Variants in USP8 observed in about 807,000 individuals in gnomAD.
USP8 encodes the protein ubiquitin carboxyl-terminal hydrolase 8.
A neutral mutation model predicts 130.0 loss-of-function variants in USP8; 27 were observed. The observed-to-expected ratio is 0.21, with a 90% CI of 0.15 to 0.29. The LOEUF is 0.29. USP8 is among the 10% of genes least tolerant of loss of function. The pLI is 1.00. For missense variants in USP8, 1,029 were observed against 1,312.2 expected (o/e 0.78, Z 3.33); for synonymous variants, 392 against 444.1 (o/e 0.88, Z 1.48).
At chr15:50,473,190 A>G (rs1043714582) in intron 8 of USP8, among the ~76,000 whole-genome samples, 5 of 152,190 alleles carry the variant, frequency 3.3e-5, no homozygotes, top group African/African-American at 4.8e-5. Flanking sequence ...TTTAAAAAAT[A>G]ATACGGTTGT....
chr15:50,432,554 A>G (rs1030378626), intron 1 of USP8: 2 of 152,182 alleles, frequency 1.3e-5, no homozygotes, highest in Non-Finnish European at 2.9e-5. Flanking sequence ...TTTATCACAA[A>G]CTGATAACAA....
At chr15:50,450,531 G>C (rs2050598028) in intron 4 of USP8, among the ~76,000 whole-genome samples, 3 of 137,904 alleles carry the variant, frequency 2.2e-5, no homozygotes, top group African/African-American at 8.1e-5. Flanking sequence ...GAGTACAATG[G>C]CCTGATCTCA....
intron 1 of USP8, among the ~76,000 whole-genome samples, chr15:50,433,675 A>G (rs899209242): frequency 4.6e-5 from 7 of 152,010 alleles, no homozygotes; most frequent in South Asian, 2.1e-4. Flanking sequence ...GCGCGATCTC[A>G]GCTCACTGCA....
At chr15:50,479,287 G>T (rs2051681616) in intron 10 of USP8, among the ~76,000 whole-genome samples, 1 of 152,166 alleles carries the variant, frequency 6.6e-6, no homozygotes, top group African/African-American at 2.4e-5. Flanking sequence ...AGTAGGATTG[G>T]AGGATAGAAG....
At chr15:50,462,592 A>T (rs1400027698) in intron 6 of USP8, among the ~76,000 whole-genome samples, 1 of 152,180 alleles carries the variant, frequency 6.6e-6, no homozygotes, top group Non-Finnish European at 1.5e-5. Context: ...CAAAGCTTGT[A>T]CTTGTTTTCT....
In USP8 at chr15:50,508,610, TAAC is replaced by T. The variant is rs2052695066; in HGVS notation, c.*9524_*9526del. ...ACCCTAAAAGAGTAGAGGGAAGAGA[TAAC>T]ACTGTAAGAGGAATAACCCATAAAG... is the stretch of plus-strand genomic sequence containing the variant. On this transcript the variant is annotated 3_prime_UTR_variant, in exon 20 of 20. Coordinates refer to ENST00000307179, the MANE Select transcript of USP8 (RefSeq NM_005154.5). The T allele has an allele frequency of 6.6e-6, 1 of 152,042 alleles. No homozygotes were observed. Among genetic ancestry groups the T allele is most frequent in the African/African-American group, 2.4e-5 (1 of 41,404 alleles). The allele number at this position is 152,042 out of a possible 1,614,324, so 9.4% of individuals were successfully genotyped here.
At position 50,512,986 on chromosome 15, in the gene USP8, A is replaced by G. The variant is rs191060627; in HGVS notation, c.*13898A>G. ...AACAAGGATCTAGAACATGTAAATG[A>G]CTCTTTCCAATCAATAAGAAGAAAA... On this transcript the variant is annotated 3_prime_UTR_variant, in exon 20 of 20. Transcript: ENST00000307179. 11 of 152,354 alleles carry G rather than the reference A, an allele frequency of 7.2e-5. No individual in the cohort carries two copies. The highest frequency in any genetic ancestry group is 3.3e-4 in the Admixed American group (5 of 15,298). 9.4% of individuals were successfully genotyped at this position (152,354 alleles called of 1,614,324 possible).
At chr15:50,424,871 G>A (rs7174015) in intron 1 of USP8, among the ~76,000 whole-genome samples, 71,098 of 149,826 alleles carry the variant, frequency 0.47, 17,270 homozygotes, top group East Asian at 0.58. Context: ...AGGCCTTACT[G>A]TAGCTCCTAA....
intron 10 of USP8, among the ~76,000 whole-genome samples, chr15:50,478,942 C>G (rs1403620973): frequency 1.3e-5 from 2 of 152,022 alleles, no homozygotes; most frequent in Non-Finnish European, 2.9e-5. Context: ...GCAGTCCCAG[C>G]TACTCAGGAG....
intron 1 of USP8, among the ~76,000 whole-genome samples, chr15:50,431,165 CTGTGTGTG>C (rs56771450): frequency 1.4e-5 from 2 of 140,880 alleles, no homozygotes; most frequent in Non-Finnish European, 3.0e-5. Context: ...GTGTGTGCCT[CTGTGTGTG>C]TGTGTGTGTG....
chr15:50,428,181 A>G (rs1380475546), intron 1 of USP8, among the ~76,000 whole-genome samples: 1 of 151,884 alleles, frequency 6.6e-6, no homozygotes, highest in Admixed American at 6.5e-5. Context: ...CAGTGGCATG[A>G]TCTCGGCTCA....
Position 50,513,694 on chromosome 15 carries a change from A to T in USP8, c.*14606A>T. 1 of 151,564 alleles carries T rather than the reference A, an allele frequency of 6.6e-6. No individual in the cohort carries two copies. 9.4% of individuals were successfully genotyped at this position (151,564 alleles called of 1,614,324 possible). ...CAAAAGAAAGTATACAAATTTAAGT[A>T]GTTATTTAAACCACAATGCCATTCT... is the stretch of plus-strand genomic sequence containing the variant. On this transcript the variant is annotated 3_prime_UTR_variant, in exon 20 of 20. Coordinates refer to ENST00000307179, the MANE Select transcript of USP8 (RefSeq NM_005154.5).
intron 4 of USP8, among the ~76,000 whole-genome samples, chr15:50,456,828 G>A (rs2050806918): frequency 6.6e-6 from 1 of 152,222 alleles, no homozygotes; most frequent in Admixed American, 6.5e-5. Flanking sequence ...GGAGGTTGCA[G>A]TGAGCTGAGA....
At chr15:50,460,509 A>G (rs183872411) in intron 5 of USP8, among the ~76,000 whole-genome samples, 126 of 151,898 alleles carry the variant, frequency 8.3e-4, no homozygotes, top group African/African-American at 2.8e-3. Flanking sequence ...GGGTTTCACC[A>G]TATTGGCCAG....
intron 10 of USP8, among the ~76,000 whole-genome samples, chr15:50,478,004 A>T (rs2051629050): frequency 6.6e-6 from 1 of 152,210 alleles, no homozygotes; most frequent in Non-Finnish European, 1.5e-5. Context: ...CCTATATTAG[A>T]GTAGATAATT....
rs1173864915 is a variant in USP8, at chr15:50,506,269, A to C, written c.*7181A>C. The stretch of plus-strand genomic sequence containing the variant: ...GTTCAGGACCTGGCTGCACAGCAGG[A>C]AGCGAGCGGCAAACCTACCCTGAGC... On this transcript the variant is annotated 3_prime_UTR_variant, in exon 20 of 20. Coordinates refer to ENST00000307179, the MANE Select transcript of USP8 (RefSeq NM_005154.5). 6.6e-6 allele frequency: 1 copy of C among 152,332 alleles called. No homozygotes were observed. The highest frequency in any genetic ancestry group is 6.5e-5 in the Admixed American group (1 of 15,274). The allele number at this position is 152,332 out of a possible 1,614,324, so 9.4% of individuals were successfully genotyped here. A position where few individuals can be genotyped will look rare whatever the true frequency, so the allele number is the denominator to read the frequency against.
In USP8 at chr15:50,511,661, TAAAAAC is replaced by T. The variant is rs1014242873; in HGVS notation, c.*12575_*12580del. 2.0e-5 allele frequency: 3 copies of T among 152,080 alleles called. No homozygotes were observed. Among genetic ancestry groups the T allele is most frequent in the Non-Finnish European group, 4.4e-5 (3 of 68,016 alleles). 9.4% of individuals were successfully genotyped at this position (152,080 alleles called of 1,614,324 possible). A position where few individuals can be genotyped will look rare whatever the true frequency, so the allele number is the denominator to read the frequency against. ...AAACATTATGCTGAATAAAAGAAAA[TAAAAAC>T]AGAAGGTCATATATTCTATGATTCT... On this transcript the variant is annotated 3_prime_UTR_variant, in exon 20 of 20. Transcript: ENST00000307179.
rs1566895315 is a variant in USP8 at position 50,498,639 on chromosome 15, G to A, written c.3082G>A (p.Val1028Met). The change falls in exon 19 of 20, where the codon GTG (valine) becomes ATG (methionine). Residue 1028 changes from valine (V) to methionine (M), a missense_variant. Val to Met is a conservative substitution (Grantham distance 21). Around this residue, in one of 4 missense-constraint regions of USP8, gnomAD observed 257 missense variants for 429.8 expected, o/e 0.60. Coordinates refer to ENST00000307179, the MANE Select transcript of USP8 (RefSeq NM_005154.5). ...GTGGAAACAAAAATTACAGACATCT[G>A]TGGACTTCCCGTTAGAAAATCTTGA... ...GRWKQKLQTS[V>M]DFPLENLDLS... 1.9e-6 allele frequency: 3 copies of A among 1,612,624 alleles called. No individual in the cohort carries two copies. Among genetic ancestry groups the A allele is most frequent in the Non-Finnish European group, 2.5e-6 (3 of 1,179,566 alleles).
intron 5 of USP8, 121 bp downstream of exon 5, chr15:50,459,283 T>A: frequency 7.5e-7 from 1 of 1,336,160 alleles, no homozygotes; most frequent in Non-Finnish European, 1.0e-6. Flanking sequence ...TTTAATGTTT[T>A]AATTAGAAAT....
Sources: gnomAD v4.1 joint callset for allele counts (sites outside exome capture counted in the v4.1 genomes callset) on GRCh38, gnomAD v4.1.1 for gene constraint, gnomAD v4.1.1 regional missense constraint, MANE v1.5 for transcripts, NCBI Gene and HGNC (gene_info 2026-07-23, HGNC 2026-07-21) for gene names.